Variants in MAP3K2 observed in about 807,000 individuals in gnomAD.
The protein encoded by MAP3K2 is mitogen-activated protein kinase kinase kinase 2, also known as MAP/ERK kinase kinase 2.
A neutral mutation model predicts 80.3 loss-of-function variants in MAP3K2; 24 were observed. The ratio of observed to expected loss-of-function variants is 0.30; its 90% CI spans 0.22 to 0.42. The LOEUF is 0.42. Ranked by LOEUF, MAP3K2 falls within the 10% of genes least tolerant of loss-of-function variation. The pLI is 1.00. For missense variants in MAP3K2, 608 were observed against 750.1 expected, an observed-to-expected ratio of 0.81 and a Z score of 2.21; for synonymous variants, 244 against 253.7, an observed-to-expected ratio of 0.96 and a Z score of 0.36.
At chr2:127,358,470 G>A (rs1686831006) in intron 1 of MAP3K2, among the ~76,000 whole-genome samples, 1 of 152,220 alleles carries the variant, frequency 6.6e-6, no homozygotes, top group Admixed American at 6.5e-5. Context: ...AAAAACCTAT[G>A]CATGAATTTT....
rs1311850720 is a variant in MAP3K2 at position 127,302,622 on chromosome 2, T to G, written c.*4957A>C. The G allele has an allele frequency of 6.6e-6, 1 of 152,208 alleles. No homozygotes were observed. The highest frequency in any genetic ancestry group is 2.4e-5 in the African/African-American group (1 of 41,452). The allele number at this position is 152,208 out of a possible 1,614,324, so 9.4% of individuals were successfully genotyped here. A position where few individuals can be genotyped will look rare whatever the true frequency, so the allele number is the denominator to read the frequency against. On this transcript the variant is annotated 3_prime_UTR_variant, in exon 17 of 17. Transcript: ENST00000682094. The stretch of plus-strand genomic sequence containing the variant: ...TCCTATCTCATTGCCTTAACATTTG[T>G]AAACCATGTGAATGACTTCTTTAGG...
At chr2:127,312,181 G>T (rs141560705) in intron 15 of MAP3K2, among the ~76,000 whole-genome samples, 2 of 152,050 alleles carry the variant, frequency 1.3e-5, no homozygotes, top group Non-Finnish European at 2.9e-5. Flanking sequence ...TTCTTTCTCC[G>T]CTTGTTAGCC....
At chr2:127,341,180 G>A (rs964792265) in intron 2 of MAP3K2, among the ~76,000 whole-genome samples, 2 of 151,870 alleles carry the variant, frequency 1.3e-5, no homozygotes, top group Non-Finnish European at 2.9e-5. Context: ...TAGTAGAGAT[G>A]GGGTTTCACC....
At chr2:127,324,286 G>A (rs1686087286) in intron 9 of MAP3K2, 45 bp from the exon 10 acceptor site, 2 of 1,173,554 alleles carry the variant, frequency 1.7e-6, no homozygotes, top group East Asian at 5.1e-5. Context: ...AAGAACGTAA[G>A]ACATTAAAAA....
intron 1 of MAP3K2, among the ~76,000 whole-genome samples, chr2:127,367,508 C>T (rs1686992820): frequency 6.6e-6 from 1 of 152,114 alleles, no homozygotes; most frequent in Non-Finnish European, 1.5e-5. Context: ...GATTAAAACT[C>T]CAGGCAGGGC....
chr2:127,345,532 C>T (rs973746285), intron 1 of MAP3K2, among the ~76,000 whole-genome samples: 6 of 152,200 alleles, frequency 3.9e-5, no homozygotes, highest in Admixed American at 2.6e-4. Context: ...CTAGGCTTAA[C>T]AAACACCTAC....
In MAP3K2 at chr2:127,387,576, C is replaced by A. The variant is rs1027622169; in HGVS notation, c.-190G>T. 1.0e-6 allele frequency: 1 copy of A among 984,854 alleles called. No individual in the cohort carries two copies. The highest frequency in any genetic ancestry group is 1.7e-5 in the African/African-American group (1 of 57,160). 61.0% of individuals were successfully genotyped at this position (984,854 alleles called of 1,614,324 possible). On this transcript the variant is annotated 5_prime_UTR_variant, in exon 1 of 17. Coordinates refer to ENST00000682094, the MANE Select transcript of MAP3K2 (RefSeq NM_001371910.2). Reference sequence around the variant, plus strand: ...AGGTCGGGGGCTGCCGCAGGGCCCCCGGGGACCGGAGGGGCGCGCGAGGAG... The same window carrying A: ...AGGTCGGGGGCTGCCGCAGGGCCCCAGGGGACCGGAGGGGCGCGCGAGGAG...
At position 127,324,013 on chromosome 2, in the gene MAP3K2, T is replaced by A; in HGVS notation, c.746-19A>T. 5.7e-6 allele frequency: 7 copies of A among 1,226,918 alleles called. No individual in the cohort carries two copies. The highest frequency in any genetic ancestry group is 1.5e-5 in the African/African-American group (1 of 65,298). The allele number at this position is 1,226,918 out of a possible 1,614,324, so 76.0% of individuals were successfully genotyped here. Reference sequence around the variant, plus strand: ...TCATAGTCTGTTAAGACATATAAGATGGTTATCTTTTATTTAAAAAAAAAA... The same window carrying A: ...TCATAGTCTGTTAAGACATATAAGAAGGTTATCTTTTATTTAAAAAAAAAA... On this transcript the variant is annotated intron_variant, in intron 10 of 16. Transcript: ENST00000682094.
At chr2:127,373,382 A>C (rs1468021745) in intron 1 of MAP3K2, among the ~76,000 whole-genome samples, 1 of 152,224 alleles carries the variant, frequency 6.6e-6, no homozygotes, top group Non-Finnish European at 1.5e-5. Context: ...ATTTCTTGCT[A>C]AGACCTCAAA....
rs72964343 is a variant in MAP3K2, at chr2:127,309,004, T to C, written c.1457-242A>G. ...GTGTTTAGGACCTAGGACGTTTCTA[T>C]TGAAAAGGACTGGTGCAGGTTGGAG... On this transcript the variant is annotated intron_variant, in intron 15 of 16. Transcript: ENST00000682094. Among the ~76,000 whole-genome samples the C allele has an allele frequency of 0.028, 4,217 of 152,086 alleles. 193 individuals carry two copies. Among genetic ancestry groups the C allele is most frequent in the African/African-American group, 0.097 (4,006 of 41,448 alleles).
intron 1 of MAP3K2, among the ~76,000 whole-genome samples, chr2:127,358,194 AT>A (rs998712095): frequency 2.6e-5 from 4 of 152,236 alleles, no homozygotes; most frequent in African/African-American, 4.8e-5. Context: ...AAATAAAGCC[AT>A]GGTCAATAAG....
chr2:127,367,691 G>A (rs1177281589), intron 1 of MAP3K2, among the ~76,000 whole-genome samples: 1 of 152,208 alleles, frequency 6.6e-6, no homozygotes, highest in East Asian at 1.9e-4. Context: ...TACTCGGGAG[G>A]CTGAGGCACG....
rs1051894848 is a variant in MAP3K2, at chr2:127,304,178, T to A, written c.*3401A>T. 2.0e-5 allele frequency: 3 copies of A among 152,268 alleles called. No homozygotes were observed. The highest frequency in any genetic ancestry group is 6.5e-5 in the Admixed American group (1 of 15,290). The allele number at this position is 152,268 out of a possible 1,614,324, so 9.4% of individuals were successfully genotyped here. The stretch of plus-strand genomic sequence containing the variant: ...AAGGGTAACTGTGCCTTTTAAAACT[T>A]TCTAAGGCAATAGTCATTTTTTTAA... On this transcript the variant is annotated 3_prime_UTR_variant, in exon 17 of 17. Coordinates refer to ENST00000682094, the MANE Select transcript of MAP3K2 (RefSeq NM_001371910.2).
In MAP3K2 at chr2:127,339,473, T is replaced by C. The variant is rs989468021; in HGVS notation, c.5-423A>G. Reference sequence around the variant, plus strand: ...TATATTCAAAGTACAGACTTAATTTTGGAAGGTTTTTTTATTCTTTCATCA... The same window carrying C: ...TATATTCAAAGTACAGACTTAATTTCGGAAGGTTTTTTTATTCTTTCATCA... On this transcript the variant is annotated intron_variant, in intron 2 of 16. Transcript: ENST00000682094. This position sits in a 1 kb window ranked among gnomAD's most constrained non-coding sequence, Gnocchi z 4.2. Among the ~76,000 whole-genome samples the C allele has an allele frequency of 1.2e-4, 18 of 152,358 alleles. No individual in the cohort carries two copies. The highest frequency in any genetic ancestry group is 4.1e-4 in the African/African-American group (17 of 41,586).
rs908743426 is a variant in MAP3K2 at position 127,387,494 on chromosome 2, G to A, written c.-108C>T. 33 of 984,884 alleles carry A rather than the reference G, an allele frequency of 3.4e-5. 1 individual carries two copies. Among genetic ancestry groups the A allele is most frequent in the Admixed American group, 1.2e-4 (2 of 16,220 alleles). 61.0% of individuals were successfully genotyped at this position (984,884 alleles called of 1,614,324 possible). ...CGTAGAGAGCCGCAGGCCCAAGGAG[G>A]GGCCGCCCCCGCCGAGCCCGCCCCT... On this transcript the variant is annotated 5_prime_UTR_variant, in exon 1 of 17. Coordinates refer to ENST00000682094, the MANE Select transcript of MAP3K2 (RefSeq NM_001371910.2).
At chr2:127,358,794 C>T (rs991127260) in intron 1 of MAP3K2, among the ~76,000 whole-genome samples, 18 of 151,990 alleles carry the variant, frequency 1.2e-4, no homozygotes, top group African/African-American at 4.1e-4. Context: ...TAGCCGGGCA[C>T]GGTGGTGCAT....
At chr2:127,350,200 G>C (rs1686666679) in intron 1 of MAP3K2, among the ~76,000 whole-genome samples, 1 of 152,014 alleles carries the variant, frequency 6.6e-6, no homozygotes. Context: ...GACTTATGGG[G>C]ACATGTCAGA....
chr2:127,332,557 C>T (rs961069847), intron 5 of MAP3K2, among the ~76,000 whole-genome samples: 7 of 152,150 alleles, frequency 4.6e-5, no homozygotes, highest in African/African-American at 1.2e-4. Flanking sequence ...TATTACAAAC[C>T]GTAAAATGAG....
chr2:127,353,586 G>T (rs1219681384), intron 1 of MAP3K2, among the ~76,000 whole-genome samples: 1 of 149,904 alleles, frequency 6.7e-6, no homozygotes, highest in African/African-American at 2.5e-5. Flanking sequence ...TCAGCCCCCC[G>T]CCTGGCCAGC....
Sources: gnomAD v4.1 joint callset for allele counts (sites outside exome capture counted in the v4.1 genomes callset) on GRCh38, gnomAD v4.1.1 for gene constraint, Gnocchi (gnomAD v3.1) non-coding constraint, MANE v1.5 for transcripts, NCBI Gene and HGNC (gene_info 2026-07-23, HGNC 2026-07-21) for gene names.